The following LUZP2 variants were observed in gnomAD, a reference collection of about 807,000 sequenced individuals.
LUZP2 encodes the protein leucine zipper protein 2.
In LUZP2, 52 loss-of-function variants were observed where a neutral mutation model predicts 51.6. The observed-to-expected ratio is 1.01, with a 90% CI of 0.81 to 1.27. The LOEUF (loss-of-function observed/expected upper bound fraction) is 1.27, where lower values mean the gene tolerates loss of function less well. Among genes scored for constraint, LUZP2 ranks in the 50% most tolerant of loss-of-function variants. The probability of loss-of-function intolerance (pLI) is 0.00; values close to 1 mark genes in which losing one functional copy is unlikely to be tolerated. For synonymous variants in LUZP2, 154 were observed against 137.3 expected, an observed-to-expected ratio of 1.12 and a Z score of -0.85; for missense variants, 436 against 395.4, an observed-to-expected ratio of 1.10 and a Z score of -0.87.
chr11:24,694,114 A>C, intron 1 of LUZP2, among the ~76,000 whole-genome samples: 1 of 152,174 alleles, frequency 6.6e-6, no homozygotes, highest in East Asian at 1.9e-4. Context: ...TTTCACTCTA[A>C]GTAAAAGGCA....
intron 9 of LUZP2, among the ~76,000 whole-genome samples, chr11:24,994,238 T>C (rs1856433244): frequency 6.6e-6 from 1 of 150,736 alleles, no homozygotes. Flanking sequence ...ATAGATTATC[T>C]CCTATTTTTC....
chr11:24,821,196 T>A (rs1850346747), intron 5 of LUZP2, among the ~76,000 whole-genome samples: 1 of 152,124 alleles, frequency 6.6e-6, no homozygotes, highest in Non-Finnish European at 1.5e-5. Flanking sequence ...AGGGGCTATA[T>A]ACCAAATGTT....
At chr11:24,566,600 A>C (rs964007633) in intron 1 of LUZP2, among the ~76,000 whole-genome samples, 1 of 127,364 alleles carries the variant, frequency 7.9e-6, no homozygotes, top group African/African-American at 3.2e-5. Flanking sequence ...GTGTGTATAT[A>C]TATATGTATG....
intron 7 of LUZP2, among the ~76,000 whole-genome samples, chr11:24,935,098 C>G (rs543999983): frequency 1.3e-5 from 2 of 152,302 alleles, no homozygotes; most frequent in African/African-American, 4.8e-5. Context: ...TAGAACATGT[C>G]TCCTTGCTTC....
intron 1 of LUZP2, among the ~76,000 whole-genome samples, chr11:24,567,016 T>TA (rs1852269157): frequency 6.5e-5 from 4 of 61,446 alleles, no homozygotes; most frequent in Admixed American, 2.0e-4. Flanking sequence ...ATATATATAT[T>TA]TTTTTTAGTA....
intron 1 of LUZP2, among the ~76,000 whole-genome samples, chr11:24,717,604 A>T (rs1346198557): frequency 6.7e-6 from 1 of 149,788 alleles, no homozygotes; most frequent in Admixed American, 6.7e-5. Flanking sequence ...TTTAGTAGAG[A>T]CAGGGTTTCA....
At chr11:24,973,972 A>G (rs1158904192) in intron 7 of LUZP2, among the ~76,000 whole-genome samples, 2 of 151,980 alleles carry the variant, frequency 1.3e-5, no homozygotes, top group Non-Finnish European at 2.9e-5. Flanking sequence ...AGCTGAGTTC[A>G]GTTCCTAATT....
chr11:24,972,750 C>T (rs1855777188), intron 7 of LUZP2, among the ~76,000 whole-genome samples: 1 of 151,972 alleles, frequency 6.6e-6, no homozygotes, highest in South Asian at 2.1e-4. Flanking sequence ...GTATGTTGAA[C>T]CAGCCTTGGA....
chr11:24,736,469 GTCCT>G (rs61318393), intron 3 of LUZP2, among the ~76,000 whole-genome samples: 25,933 of 146,012 alleles, frequency 0.18, 2,406 homozygotes, highest in South Asian at 0.32. Context: ...TAACATGTAG[GTCCT>G]TCCTTCCTTC....
chr11:24,727,193 A>C (rs1858513585), intron 1 of LUZP2, among the ~76,000 whole-genome samples: 1 of 152,100 alleles, frequency 6.6e-6, no homozygotes, highest in African/African-American at 2.4e-5. Flanking sequence ...GTCAACATTT[A>C]TTTGCGTAAT....
intron 7 of LUZP2, among the ~76,000 whole-genome samples, chr11:24,947,607 T>G (rs1466149675): frequency 1.3e-5 from 2 of 151,966 alleles, no homozygotes; most frequent in Non-Finnish European, 2.9e-5. Context: ...TAAATTATTT[T>G]AGTGTTTCTT....
At chr11:25,064,449 CTTTT>C (rs927939318) in intron 10 of LUZP2, among the ~76,000 whole-genome samples, 2 of 151,860 alleles carry the variant, frequency 1.3e-5, no homozygotes, top group African/African-American at 4.8e-5. Context: ...ATGTAAACTT[CTTTT>C]TTTAACTATT....
chr11:25,069,882 A>T (rs565846404), intron 10 of LUZP2, among the ~76,000 whole-genome samples: 1 of 151,798 alleles, frequency 6.6e-6, no homozygotes, highest in African/African-American at 2.4e-5. Flanking sequence ...AACATCAAGG[A>T]TGTTTCTTGA....
At chr11:24,882,162 A>T (rs914305651) in intron 5 of LUZP2, among the ~76,000 whole-genome samples, 2 of 151,994 alleles carry the variant, frequency 1.3e-5, no homozygotes, top group Non-Finnish European at 2.9e-5. Flanking sequence ...TCACTTCTCA[A>T]TGAATACATA....
At chr11:25,028,892 C>A (rs555611647) in intron 9 of LUZP2, among the ~76,000 whole-genome samples, 1 of 152,120 alleles carries the variant, frequency 6.6e-6, no homozygotes, top group Admixed American at 6.5e-5. Flanking sequence ...TATTTGGAAA[C>A]AAACTATACT....
chr11:24,821,390 CAGTT>C (rs1316855780), intron 5 of LUZP2, among the ~76,000 whole-genome samples: 1 of 152,108 alleles, frequency 6.6e-6, no homozygotes, highest in Non-Finnish European at 1.5e-5. Flanking sequence ...ATCTTCAAAT[CAGTT>C]AGTCAATAGC....
chr11:24,621,219 A>G lies in LUZP2; in HGVS notation c.63-107950A>G, dbSNP rs565037615. The stretch of plus-strand genomic sequence containing the variant: ...TAATTTATAACAGCTTCTGTGTTTG[A>G]CTCTTAACATTTTATCTTGGTTAAT... On this transcript the variant is annotated intron_variant, in intron 1 of 11. Coordinates refer to ENST00000336930, the MANE Select transcript of LUZP2 (RefSeq NM_001009909.4). Among the ~76,000 whole-genome samples, 57 of 152,170 alleles carry G rather than the reference A, an allele frequency of 3.7e-4. 1 individual carries two copies. The highest frequency in any genetic ancestry group is 8.4e-4 in the Non-Finnish European group (57 of 68,028).
At chr11:24,594,605 C>G (rs572824176) in intron 1 of LUZP2, among the ~76,000 whole-genome samples, 1 of 152,146 alleles carries the variant, frequency 6.6e-6, no homozygotes, top group African/African-American at 2.4e-5. Flanking sequence ...AAATCCAAGG[C>G]CAAATTCTAT....
At chr11:25,006,269 G>A (rs1015399569) in intron 9 of LUZP2, among the ~76,000 whole-genome samples, 1 of 152,286 alleles carries the variant, frequency 6.6e-6, no homozygotes, top group African/African-American at 2.4e-5. Context: ...AGAGAGGTGA[G>A]AGGAAGTTTG....
Sources: gnomAD v4.1 joint callset for allele counts (sites outside exome capture counted in the v4.1 genomes callset) on GRCh38, gnomAD v4.1.1 for gene constraint, MANE v1.5 for transcripts, NCBI Gene and HGNC (gene_info 2026-07-23, HGNC 2026-07-21) for gene names.